Variants in MTMR3 observed in about 807,000 individuals in gnomAD.
MTMR3 encodes the protein myotubularin related protein 3.
In MTMR3, 32 loss-of-function variants were observed where a neutral mutation model predicts 132.4. The ratio of observed to expected loss-of-function variants is 0.24; its 90% CI spans 0.18 to 0.32. The LOEUF is 0.32. Among genes scored for constraint, MTMR3 ranks in the 10% least tolerant of loss-of-function variants. The pLI is 1.00. For missense variants in MTMR3, 1,216 were observed against 1,489.6 expected, an observed-to-expected ratio of 0.82 and a Z score of 3.02; for synonymous variants, 556 against 550.3, an observed-to-expected ratio of 1.01 and a Z score of -0.14.
intron 5 of MTMR3, chr22:29,981,143 A>G (rs2066735009): frequency 6.6e-6 from 1 of 152,196 alleles, no homozygotes; most frequent in African/African-American, 2.4e-5. Flanking sequence ...ACATTCTTTT[A>G]TAACATTTAC....
intron 7 of MTMR3, chr22:29,998,122 C>T (rs1378919840): frequency 6.6e-6 from 1 of 152,174 alleles, no homozygotes; most frequent in East Asian, 1.9e-4. Flanking sequence ...AAGAGCATGG[C>T]TTCTGGGGCC....
chr22:29,921,791 T>C (rs1232068130), intron 1 of MTMR3, among the ~76,000 whole-genome samples: 6 of 152,116 alleles, frequency 3.9e-5, no homozygotes, highest in Non-Finnish European at 7.4e-5. Flanking sequence ...TTTGACCTTC[T>C]ATGACTGGCT....
chr22:29,980,587 G>A (rs1372931760), intron 5 of MTMR3: 2 of 152,138 alleles, frequency 1.3e-5, no homozygotes, highest in Non-Finnish European at 2.9e-5. Flanking sequence ...TTAACTTTGT[G>A]TTCTTTCAGT....
At position 29,940,465 on chromosome 22, in the gene MTMR3, T is replaced by TCACACAAAA. The variant is rs1375016828; in HGVS notation, c.-137-16571_-137-16570insCACACAAAA. On this transcript the variant is annotated intron_variant, in intron 1 of 19. Coordinates refer to ENST00000401950, the MANE Select transcript of MTMR3 (RefSeq NM_021090.4). The stretch of plus-strand genomic sequence containing the variant: ...CTGCACCCAGGTGAAACAAACAGCC[T>TCACACAAAA]TGTTGCTCACACAAAGCCTGTTTGG... 4.0e-5 allele frequency among the ~76,000 whole-genome samples: 6 copies of TCACACAAAA among 149,962 alleles called. No homozygotes were observed. The East Asian group carries it at 1.2e-3, about 29-fold the overall frequency.
At chr22:29,898,478 C>T (rs2064944630) in intron 1 of MTMR3, among the ~76,000 whole-genome samples, 1 of 152,142 alleles carries the variant, frequency 6.6e-6, no homozygotes, top group Admixed American at 6.5e-5. Flanking sequence ...TCACTGGTCA[C>T]GGCAGTTTTG....
chr22:29,983,907 G>T (rs532193976), intron 5 of MTMR3: 1 of 152,024 alleles, frequency 6.6e-6, no homozygotes, highest in Non-Finnish European at 1.5e-5. Flanking sequence ...AAAGTGCTGG[G>T]ATTACAGATG....
chr22:29,932,698 T>C (rs748361941), intron 1 of MTMR3, among the ~76,000 whole-genome samples: 1 of 152,220 alleles, frequency 6.6e-6, no homozygotes, highest in Non-Finnish European at 1.5e-5. Context: ...TGAATGTTCA[T>C]GTACCTACGA....
chr22:29,930,653 C>G (rs1466532285), intron 1 of MTMR3, among the ~76,000 whole-genome samples: 1 of 152,144 alleles, frequency 6.6e-6, no homozygotes, highest in Non-Finnish European at 1.5e-5. Context: ...GATTGTGCCA[C>G]TGCACTCCAG....
chr22:30,015,722 T>TA (rs2145960976), intron 14 of MTMR3: 1 of 152,304 alleles, frequency 6.6e-6, no homozygotes, highest in African/African-American at 2.4e-5. Flanking sequence ...AACCTCTAGT[T>TA]ACATTTTACA....
intron 1 of MTMR3, among the ~76,000 whole-genome samples, chr22:29,908,745 A>C (rs1164350827): frequency 6.6e-6 from 1 of 152,220 alleles, no homozygotes; most frequent in East Asian, 1.9e-4. Flanking sequence ...AGATTGATCC[A>C]CTTTGATTAT....
intron 4 of MTMR3, 65 bp from the exon 5 acceptor site, chr22:29,978,871 T>C (rs1490979603): frequency 8.3e-7 from 1 of 1,203,924 alleles, no homozygotes; most frequent in Non-Finnish European, 1.2e-6. Context: ...TTCAGCCAAC[T>C]GATGTTTGAA....
intron 2 of MTMR3, among the ~76,000 whole-genome samples, chr22:29,959,759 ATTTTTTTT>A (rs35031180): frequency 7.5e-6 from 1 of 133,916 alleles, no homozygotes; most frequent in Non-Finnish European, 1.6e-5. Flanking sequence ...AAAAGTGTTA[ATTTTTTTT>A]TTTTTTTTTT....
rs1212101536 is a variant in MTMR3, at chr22:29,942,444, G to A, written c.-137-14592G>A. On this transcript the variant is annotated intron_variant, in intron 1 of 19. Coordinates refer to ENST00000401950, the MANE Select transcript of MTMR3 (RefSeq NM_021090.4). ...AAATTGCTAATGAAGTTTCGGGCAC[G>A]CATTGTCATTGATAACATCTTATCA... Among the ~76,000 whole-genome samples, 8 of 152,288 alleles carry A rather than the reference G, an allele frequency of 5.3e-5. 1 individual carries two copies. Among genetic ancestry groups the A allele is most frequent in the Admixed American group, 3.9e-4 (6 of 15,298 alleles).
chr22:30,008,968 G>A, intron 11 of MTMR3, 50 bp from the exon 12 acceptor site: 1 of 1,322,044 alleles, frequency 7.6e-7, no homozygotes, highest in Non-Finnish European at 1.1e-6. Flanking sequence ...TTGGCCATGT[G>A]GGCTTTAAGT....
At chr22:29,898,100 C>T (rs1282450376) in intron 1 of MTMR3, among the ~76,000 whole-genome samples, 1 of 152,044 alleles carries the variant, frequency 6.6e-6, no homozygotes, top group African/African-American at 2.4e-5. Flanking sequence ...CTCAGCCTCT[C>T]GAGTAGCTGG....
At chr22:30,022,272 T>C (rs2145980455) in intron 18 of MTMR3, 133 bp downstream of exon 18, 1 of 699,174 alleles carries the variant, frequency 1.4e-6, no homozygotes, top group Non-Finnish European at 2.4e-6. Flanking sequence ...CTCTGGCACC[T>C]TAGCTCCTGG....
intron 1 of MTMR3, among the ~76,000 whole-genome samples, chr22:29,945,712 G>GAAAAAAAAAAAAAAAAAAAAAAA (rs1238843477): frequency 3.8e-5 from 3 of 78,110 alleles, no homozygotes; most frequent in African/African-American, 1.9e-4. Context: ...TCTTTAAAAT[G>GAAAAAAAAAAAAAAAAAAAAAAA]AAAAAGAAAA....
At chr22:29,974,109 C>G (rs1057131320) in intron 3 of MTMR3, among the ~76,000 whole-genome samples, 2 of 152,104 alleles carry the variant, frequency 1.3e-5, no homozygotes, top group Non-Finnish European at 2.9e-5. Flanking sequence ...GCCTGGTGTT[C>G]CTCAGCAGTA....
chr22:29,965,096 G>T (rs2066388824), intron 2 of MTMR3, among the ~76,000 whole-genome samples: 1 of 151,982 alleles, frequency 6.6e-6, no homozygotes, highest in African/African-American at 2.4e-5. Flanking sequence ...CCAAACCCCA[G>T]TCCCTGTCTC....
Sources: gnomAD v4.1 joint callset for allele counts (sites outside exome capture counted in the v4.1 genomes callset) on GRCh38, gnomAD v4.1.1 for gene constraint, MANE v1.5 for transcripts, NCBI Gene and HGNC (gene_info 2026-07-23, HGNC 2026-07-21) for gene names.